Variants in PLCG2 observed in about 807,000 individuals in gnomAD.
PLCG2 encodes 1-phosphatidylinositol 4,5-bisphosphate phosphodiesterase gamma-2.
In PLCG2, 69 loss-of-function variants were observed where a neutral mutation model predicts 175.6. The ratio of observed to expected loss-of-function variants is 0.39; its 90% CI spans 0.32 to 0.48. The LOEUF is 0.48. Ranked by LOEUF, PLCG2 falls within the 20% of genes least tolerant of loss-of-function variation. The probability of loss-of-function intolerance (pLI) is 0.91; values close to 1 mark genes in which losing one functional copy is unlikely to be tolerated. For missense variants in PLCG2, 1,798 were observed against 1,650.9 expected (o/e 1.09, Z -1.54); for synonymous variants, 827 against 624.0 (o/e 1.33, Z -4.85).
At chr16:81,803,365 T>C (rs1226494680) in intron 2 of PLCG2, among the ~76,000 whole-genome samples, 1 of 152,002 alleles carries the variant, frequency 6.6e-6, no homozygotes, top group Non-Finnish European at 1.5e-5. Context: ...TAACATAAGG[T>C]TCGTTCATAT....
chr16:81,875,081 A>G (rs1156300299), intron 7 of PLCG2, among the ~76,000 whole-genome samples: 2 of 150,468 alleles, frequency 1.3e-5, no homozygotes, highest in African/African-American at 4.9e-5. Context: ...CTCCTGCCTC[A>G]GCCTTCTGAG....
intron 18 of PLCG2, among the ~76,000 whole-genome samples, chr16:81,912,357 T>G (rs1909664053): frequency 6.6e-6 from 1 of 152,258 alleles, no homozygotes; most frequent in Non-Finnish European, 1.5e-5. Flanking sequence ...TGAACCACTG[T>G]GCTCGGCCCA....
chr16:81,869,348 G>A (rs747380823), intron 6 of PLCG2, 50 bp downstream of exon 6: 2 of 1,324,800 alleles, frequency 1.5e-6, no homozygotes, highest in South Asian at 1.2e-5. Context: ...GAGTGACTTA[G>A]CCTCTCTCAT....
chr16:81,958,316 C>T lies in PLCG2; in HGVS notation c.*318C>T, dbSNP rs1343346328. On this transcript the variant is annotated 3_prime_UTR_variant, in exon 33 of 33. Transcript: ENST00000564138. The stretch of plus-strand genomic sequence containing the variant: ...TTGATCAATTAAGCCTTCTGTTGCA[C>T]GACCTGTGCAGTGAACAGGATTTCT... 3.2e-5 allele frequency: 12 copies of T among 373,530 alleles called. No homozygotes were observed. Among genetic ancestry groups the T allele is most frequent in the African/African-American group, 8.0e-5 (4 of 49,846 alleles). 23.1% of individuals were successfully genotyped at this position (373,530 alleles called of 1,614,324 possible).
At chr16:81,906,857 G>A (rs1597122772) in intron 15 of PLCG2, among the ~76,000 whole-genome samples, 1 of 152,088 alleles carries the variant, frequency 6.6e-6, no homozygotes, top group Non-Finnish European at 1.5e-5. Flanking sequence ...GGCTAACATG[G>A]CGAATCCCCG....
At chr16:81,819,763 T>A (rs1389770168) in intron 2 of PLCG2, among the ~76,000 whole-genome samples, 1 of 152,122 alleles carries the variant, frequency 6.6e-6, no homozygotes, top group East Asian at 1.9e-4. Flanking sequence ...TTTTGTATTT[T>A]TAGCAGAGAT....
chr16:81,955,280 C>T (rs1259916979), intron 31 of PLCG2, among the ~76,000 whole-genome samples: 2 of 152,184 alleles, frequency 1.3e-5, no homozygotes, highest in Non-Finnish European at 2.9e-5. Context: ...GGTCTGAGTC[C>T]GTGTTTTTCT....
At chr16:81,954,505 G>T (rs979003264) in intron 31 of PLCG2, among the ~76,000 whole-genome samples, 1 of 152,078 alleles carries the variant, frequency 6.6e-6, no homozygotes, top group Non-Finnish European at 1.5e-5. Context: ...TTCCCCATCC[G>T]CCAACTAGCC....
chr16:81,824,184 A>C (rs1904942190), intron 2 of PLCG2, among the ~76,000 whole-genome samples: 1 of 145,038 alleles, frequency 6.9e-6, no homozygotes, highest in Non-Finnish European at 1.5e-5. Context: ...CCCAGGCTGG[A>C]GTGCAATGGC....
intron 2 of PLCG2, among the ~76,000 whole-genome samples, chr16:81,803,680 C>A (rs62044094): frequency 3.1e-5 from 4 of 128,362 alleles, no homozygotes; most frequent in African/African-American, 1.3e-4. Context: ...TTCCTTCCTT[C>A]CTTTTCTTTC....
intron 2 of PLCG2, among the ~76,000 whole-genome samples, chr16:81,823,813 A>T (rs1904914320): frequency 6.6e-6 from 1 of 151,822 alleles, no homozygotes; most frequent in Non-Finnish European, 1.5e-5. Flanking sequence ...TCCAGGCATG[A>T]ACCACTGCAC....
intron 2 of PLCG2, among the ~76,000 whole-genome samples, chr16:81,801,573 C>G (rs566027415): frequency 6.4e-4 from 97 of 152,320 alleles, no homozygotes; most frequent in African/African-American, 2.3e-3. Context: ...ACTCCCGATT[C>G]CAGCAAACAC....
At chr16:81,768,488 G>T (rs930622872) in intron 2 of PLCG2, among the ~76,000 whole-genome samples, 4 of 151,154 alleles carry the variant, frequency 2.6e-5, no homozygotes, top group Non-Finnish European at 4.4e-5. Flanking sequence ...TTCCAACGAG[G>T]CTGCACTGTT....
At chr16:81,799,916 G>A (rs1275295411) in intron 2 of PLCG2, among the ~76,000 whole-genome samples, 2 of 152,128 alleles carry the variant, frequency 1.3e-5, no homozygotes, top group Non-Finnish European at 2.9e-5. Context: ...TTTAAATGTC[G>A]ATGTTGGTTT....
At chr16:81,907,170 A>G (rs1247377748) in intron 15 of PLCG2, among the ~76,000 whole-genome samples, 2 of 152,162 alleles carry the variant, frequency 1.3e-5, no homozygotes, top group Non-Finnish European at 2.9e-5. Flanking sequence ...ACGTTATTAA[A>G]AAAAAGAGTT....
intron 20 of PLCG2, among the ~76,000 whole-genome samples, chr16:81,920,655 T>TGAGGAACAGAAAGAAGAGTTAGA (rs1910021951): frequency 6.6e-6 from 1 of 151,956 alleles, no homozygotes; most frequent in Non-Finnish European, 1.5e-5. Context: ...TAAGGTGACA[T>TGAGGAACAGAAAGAAGAGTTAGA]GAGGAACAGA....
At chr16:81,938,725 A>G (rs1228017893) in intron 28 of PLCG2, 76 bp from the exon 29 acceptor site, 3 of 817,988 alleles carry the variant, frequency 3.7e-6, no homozygotes, top group Non-Finnish European at 6.1e-6. Context: ...GTCACTCTAG[A>G]ACCCAGCTGC....
intron 2 of PLCG2, among the ~76,000 whole-genome samples, chr16:81,851,376 T>G (rs1906400674): frequency 6.6e-6 from 1 of 152,220 alleles, no homozygotes; most frequent in South Asian, 2.1e-4. Flanking sequence ...CACTCCGTTT[T>G]CTTGTTATTT....
At chr16:81,757,416 T>A (rs1446966972) in intron 2 of PLCG2, among the ~76,000 whole-genome samples, 1 of 152,004 alleles carries the variant, frequency 6.6e-6, no homozygotes, top group Non-Finnish European at 1.5e-5. Context: ...ATATAAACAT[T>A]AGCCGGGCGC....
Sources: allele counts gnomAD v4.1 joint callset (sites outside exome capture counted in the v4.1 genomes callset), GRCh38; gene constraint gnomAD v4.1.1; transcripts MANE v1.5; gene names NCBI Gene and HGNC (gene_info 2026-07-23, HGNC 2026-07-21).